Variants in ABLIM3 observed in about 807,000 individuals in gnomAD.
The protein encoded by ABLIM3 is actin binding LIM protein family member 3, also known as actin-binding LIM protein 3.
In ABLIM3, 61 loss-of-function variants were observed where a neutral mutation model predicts 109.5. The ratio of observed to expected loss-of-function variants is 0.56; its 90% CI spans 0.45 to 0.69. The LOEUF (loss-of-function observed/expected upper bound fraction) is 0.69, where lower values mean the gene tolerates loss of function less well. Among genes scored for constraint, ABLIM3 ranks in the 30% least tolerant of loss-of-function variants. ABLIM3 has a pLI of 0.00. For synonymous variants in ABLIM3, 300 were observed against 324.8 expected, an observed-to-expected ratio of 0.92 and a Z score of 0.82; for missense variants, 796 against 889.5, an observed-to-expected ratio of 0.89 and a Z score of 1.34.
intron 5 of ABLIM3, among the ~76,000 whole-genome samples, chr5:149,201,123 G>A (rs527236770): frequency 2.4e-4 from 36 of 152,230 alleles, no homozygotes; most frequent in Admixed American, 5.2e-4. Context: ...CCAGGAGCGC[G>A]CCTCAGAATG....
intron 3 of ABLIM3, among the ~76,000 whole-genome samples, chr5:149,191,983 A>G (rs12109915): frequency 0.05 from 7,585 of 152,204 alleles, 575 homozygotes; most frequent in African/African-American, 0.17. Context: ...TCAGCCTCCC[A>G]TATACCTAGT....
chr5:149,227,070 CAAAA>C (rs70973514), intron 8 of ABLIM3, among the ~76,000 whole-genome samples: 67 of 96,294 alleles, frequency 7.0e-4, no homozygotes, highest in South Asian at 5.5e-3. Flanking sequence ...AACTCCATCT[CAAAA>C]AAAAAAAAAA....
intron 3 of ABLIM3, among the ~76,000 whole-genome samples, chr5:149,194,887 C>T (rs532859427): frequency 5.3e-5 from 8 of 152,112 alleles, no homozygotes; most frequent in Non-Finnish European, 1.2e-4. Context: ...TTCATAAACT[C>T]GGTAGTGGGT....
At chr5:149,163,022 G>A (rs192295442) in intron 2 of ABLIM3, among the ~76,000 whole-genome samples, 2 of 152,344 alleles carry the variant, frequency 1.3e-5, no homozygotes, top group Admixed American at 6.5e-5. Flanking sequence ...AGGGGAGCAG[G>A]GTCTGCGACA....
chr5:149,156,231 G>T (rs1753858398), intron 2 of ABLIM3, among the ~76,000 whole-genome samples: 1 of 152,356 alleles, frequency 6.6e-6, no homozygotes, highest in Non-Finnish European at 1.5e-5. Context: ...TTGATAAGAA[G>T]TTGAGCTATA....
At chr5:149,165,904 A>G (rs1167339904) in intron 2 of ABLIM3, among the ~76,000 whole-genome samples, 2 of 152,222 alleles carry the variant, frequency 1.3e-5, no homozygotes, top group African/African-American at 4.8e-5. Flanking sequence ...ATGAGATATG[A>G]TGTTAAGATA....
intron 2 of ABLIM3, among the ~76,000 whole-genome samples, chr5:149,179,436 A>G (rs1344006485): frequency 6.6e-6 from 1 of 152,176 alleles, no homozygotes; most frequent in Non-Finnish European, 1.5e-5. Context: ...TGATTTCTTT[A>G]AAAATCAGCA....
At chr5:149,212,467 C>A (rs1759664025) in intron 7 of ABLIM3, among the ~76,000 whole-genome samples, 1 of 152,084 alleles carries the variant, frequency 6.6e-6, no homozygotes, top group African/African-American at 2.4e-5. Context: ...ATAATGTACA[C>A]AGGCTACATT....
At chr5:149,249,676 G>T in intron 18 of ABLIM3, 139 bp from the exon 19 acceptor site, 1 of 866,016 alleles carries the variant, frequency 1.2e-6, no homozygotes, top group East Asian at 2.5e-5. Context: ...ACCAGTTCAG[G>T]AGGGGCTGCA....
At position 149,252,742 on chromosome 5, in the gene ABLIM3, C is replaced by T; in HGVS notation, c.1858-15C>T. 1 of 1,608,594 alleles carries T rather than the reference C, an allele frequency of 6.2e-7. No individual in the cohort carries two copies. Among genetic ancestry groups the T allele is most frequent in the South Asian group, 1.1e-5 (1 of 90,844 alleles). ...ACCCTCACCCAAGCTGGAGACCACC[C>T]CCCTTTCTCCTTAGATCTACCCTTA... On this transcript the variant is annotated splice_polypyrimidine_tract_variant and intron_variant, in intron 22 of 23. Transcript: ENST00000309868.
intron 6 of ABLIM3, among the ~76,000 whole-genome samples, chr5:149,207,451 T>C (rs574566160): frequency 1.3e-5 from 2 of 152,310 alleles, no homozygotes; most frequent in South Asian, 4.1e-4. Context: ...GAGTACCTTG[T>C]TGTTTCCTTC....
intron 8 of ABLIM3, chr5:149,217,504 A>T: frequency 5.8e-6 from 1 of 172,864 alleles, no homozygotes; most frequent in East Asian, 1.6e-4. Context: ...GACTCTCAGA[A>T]CACACAGAGG....
At position 149,142,100 on chromosome 5, in the gene ABLIM3, A is replaced by T. The variant is rs2127420527; in HGVS notation, c.5A>T (p.Asn2Ile). Residue 2 changes from asparagine to isoleucine, a missense_variant, in exon 2 of 24, where the codon AAC (asparagine) becomes ATC (isoleucine). Asn to Ile is a moderately radical substitution (Grantham distance 149). Transcript: ENST00000309868. The stretch of plus-strand genomic sequence containing the variant: ...ACCCAGTGCAAAGACATCACCATGA[A>T]CACTAGCAGTAAGTGGATCCTCCTC... Reference protein sequence around the residue: MNTSIPYQQNPY... With the variant: MITSIPYQQNPY... The T allele has an allele frequency of 1.2e-6, 2 of 1,613,766 alleles. No individual in the cohort carries two copies. The highest frequency in any genetic ancestry group is 1.1e-5 in the South Asian group (1 of 91,058).
At chr5:149,207,212 A>T in intron 6 of ABLIM3, 78 bp downstream of exon 6, 1 of 1,531,186 alleles carries the variant, frequency 6.5e-7, no homozygotes, top group Non-Finnish European at 8.8e-7. Context: ...CCATGCCTAC[A>T]TCTCCAGCAT....
In ABLIM3 at chr5:149,259,480, C is replaced by T. The variant is rs1466892187; in HGVS notation, c.*1076C>T. ...TCTATGCCTCTGGTCTGTGGGCTGG[C>T]AGGGCAACCATACCATACCCCCGCC... On this transcript the variant is annotated 3_prime_UTR_variant, in exon 24 of 24. Coordinates refer to ENST00000309868, the MANE Select transcript of ABLIM3 (RefSeq NM_014945.5). 4 of 1,535,800 alleles carry T rather than the reference C, an allele frequency of 2.6e-6. No homozygotes were observed. The highest frequency in any genetic ancestry group is 2.0e-5 in the Admixed American group (1 of 50,976).
Position 149,198,737 on chromosome 5 carries a change from T to C in ABLIM3, c.335+335T>C, listed in dbSNP as rs1217563444. Among the ~76,000 whole-genome samples the C allele has an allele frequency of 6.6e-6, 1 of 152,204 alleles. No homozygotes were observed. The highest frequency in any genetic ancestry group is 1.5e-5 in the Non-Finnish European group (1 of 68,032). ...CTCTCAGAACTCAGTTTGGAAACTG[T>C]GGATCTGGCCCATCCTCCCACACCC... is the stretch of plus-strand genomic sequence containing the variant. On this transcript the variant is annotated intron_variant, in intron 4 of 23. Coordinates refer to ENST00000309868, the MANE Select transcript of ABLIM3 (RefSeq NM_014945.5). This position sits in a 1 kb window ranked among gnomAD's most constrained non-coding sequence, Gnocchi z 4.2.
At chr5:149,172,135 C>T (rs975648341) in intron 2 of ABLIM3, among the ~76,000 whole-genome samples, 3 of 152,018 alleles carry the variant, frequency 2.0e-5, no homozygotes, top group African/African-American at 4.8e-5. Flanking sequence ...CTTTTACATA[C>T]CCTAGTTTTA....
chr5:149,226,726 T>C (rs1203108950), intron 8 of ABLIM3, among the ~76,000 whole-genome samples: 1 of 152,102 alleles, frequency 6.6e-6, no homozygotes, highest in Non-Finnish European at 1.5e-5. Flanking sequence ...ACCTCTAGAA[T>C]GCCAACATTC....
chr5:149,208,983 G>A (rs561615736), intron 6 of ABLIM3, among the ~76,000 whole-genome samples: 1 of 152,344 alleles, frequency 6.6e-6, no homozygotes, highest in South Asian at 2.1e-4. Context: ...GGCCAGGGCA[G>A]TAGGGGAGTG....
Sources: allele counts gnomAD v4.1 joint callset (sites outside exome capture counted in the v4.1 genomes callset), GRCh38; gene constraint gnomAD v4.1.1; non-coding constraint Gnocchi (gnomAD v3.1); transcripts MANE v1.5; gene names NCBI Gene and HGNC (gene_info 2026-07-23, HGNC 2026-07-21).